COL14A1: variants seen among roughly 807,000 people sequenced by gnomAD.
COL14A1 encodes the protein collagen type XIV alpha 1 chain, also known as collagen alpha-1(XIV) chain.
In COL14A1, 136 loss-of-function variants were observed where a neutral mutation model predicts 230.3. The ratio of observed to expected loss-of-function variants is 0.59; its 90% CI spans 0.51 to 0.68. The LOEUF is 0.68. Among genes scored for constraint, COL14A1 ranks in the 30% least tolerant of loss-of-function variants. The probability of loss-of-function intolerance (pLI) is 0.00; values close to 1 mark genes in which losing one functional copy is unlikely to be tolerated. For missense variants in COL14A1, 1,976 were observed against 2,215.8 expected (o/e 0.89, Z 2.17); for synonymous variants, 792 against 784.1 (o/e 1.01, Z -0.17).
intron 20 of COL14A1, among the ~76,000 whole-genome samples, chr8:120,245,732 G>A (rs1818742835): frequency 1.3e-5 from 2 of 152,264 alleles, no homozygotes; most frequent in South Asian, 2.1e-4. Context: ...TGGCATCTTG[G>A]TGGGGGTGGC....
chr8:120,370,282 T>C (rs1823541715), intron 47 of COL14A1: 10 of 1,568,474 alleles, frequency 6.4e-6, no homozygotes, highest in Non-Finnish European at 7.9e-6. Flanking sequence ...GATGTGTTTT[T>C]CTCTGTTCAT....
intron 5 of COL14A1, among the ~76,000 whole-genome samples, chr8:120,184,556 T>C (rs1242860967): frequency 1.3e-5 from 2 of 152,070 alleles, no homozygotes; most frequent in Non-Finnish European, 2.9e-5. Flanking sequence ...GCTTGAGATA[T>C]TGATTTAATA....
chr8:120,369,302 A>G (rs371826614), intron 46 of COL14A1, 28 bp from the exon 47 acceptor site: 7 of 1,472,550 alleles, frequency 4.8e-6, no homozygotes, highest in East Asian at 5.0e-5. Flanking sequence ...CAAAAGACCA[A>G]CGGTTTTCAT....
intron 40 of COL14A1, among the ~76,000 whole-genome samples, chr8:120,327,344 T>A (rs562496308): frequency 6.6e-6 from 1 of 152,300 alleles, no homozygotes; most frequent in South Asian, 2.1e-4. Context: ...TAGACTCTTA[T>A]GTGAGTCAAC....
intron 36 of COL14A1, among the ~76,000 whole-genome samples, chr8:120,308,197 G>A (rs1357492669): frequency 6.6e-6 from 1 of 152,216 alleles, no homozygotes; most frequent in African/African-American, 2.4e-5. Context: ...GGCCAGGCTG[G>A]TCTCAAACTC....
chr8:120,209,673 G>T, intron 11 of COL14A1, 83 bp from the exon 12 acceptor site: 4 of 1,368,226 alleles, frequency 2.9e-6, no homozygotes, highest in Admixed American at 2.2e-5. Flanking sequence ...CTCAAATATG[G>T]TCAATCTTAT....
chr8:120,294,897 A>C (rs1820476890), intron 34 of COL14A1, among the ~76,000 whole-genome samples: 1 of 151,896 alleles, frequency 6.6e-6, no homozygotes. Flanking sequence ...CTTAGTAAGC[A>C]TTCAACCCCG....
At chr8:120,128,220 TGCGCGCGC>T (rs141192017) in intron 1 of COL14A1, among the ~76,000 whole-genome samples, 1 of 122,854 alleles carries the variant, frequency 8.1e-6, no homozygotes, top group African/African-American at 3.3e-5. Flanking sequence ...TGTGTGTGTG[TGCGCGCGC>T]GTGTGTGTGT....
intron 18 of COL14A1, among the ~76,000 whole-genome samples, chr8:120,229,663 T>C (rs1818207539): frequency 6.6e-6 from 1 of 152,162 alleles, no homozygotes; most frequent in Non-Finnish European, 1.5e-5. Context: ...TATTGCTAGT[T>C]CTAGATCCCT....
chr8:120,227,363 G>C lies in COL14A1; in HGVS notation c.2137+11G>C. On this transcript the variant is annotated intron_variant, in intron 17 of 47. Transcript: ENST00000297848. ...CTGTCGGGACCACACGTAAGTCTTG[G>C]TCTGGCCACAGTGCGTTTTAGCTGC... 1 of 1,613,086 alleles carries C rather than the reference G, an allele frequency of 6.2e-7. No homozygotes were observed. Among genetic ancestry groups the C allele is most frequent in the Non-Finnish European group, 8.5e-7 (1 of 1,179,916 alleles).
chr8:120,284,223 T>G (rs1158276600), intron 32 of COL14A1, among the ~76,000 whole-genome samples: 1 of 152,208 alleles, frequency 6.6e-6, no homozygotes, highest in Non-Finnish European at 1.5e-5. Context: ...GATGTACATT[T>G]GAAAGTTGTG....
chr8:120,340,717 A>G (rs1304034564), intron 42 of COL14A1, among the ~76,000 whole-genome samples: 1 of 152,226 alleles, frequency 6.6e-6, no homozygotes, highest in African/African-American at 2.4e-5. Flanking sequence ...AAGAGTAGCT[A>G]AGCCACATAA....
At position 120,373,437 on chromosome 8, in the gene COL14A1, T is replaced by C. The variant is rs1812223810; in HGVS notation, c.*2206T>C. Among the ~76,000 whole-genome samples the C allele has an allele frequency of 6.6e-6, 1 of 152,208 alleles. No individual in the cohort carries two copies. The highest frequency in any genetic ancestry group is 1.5e-5 in the Non-Finnish European group (1 of 68,024). ...AGATTCTGGATGTTCGAGTTTACAATACATTGCCTGTAATAAAAGCTGATT... is the reference window on the plus strand; with the variant it reads ...AGATTCTGGATGTTCGAGTTTACAACACATTGCCTGTAATAAAAGCTGATT... On this transcript the variant is annotated 3_prime_UTR_variant, in exon 48 of 48. Coordinates refer to ENST00000297848, the MANE Select transcript of COL14A1 (RefSeq NM_021110.4).
intron 45 of COL14A1, 36 bp from the exon 46 acceptor site, chr8:120,367,135 A>T: frequency 2.0e-6 from 3 of 1,501,674 alleles, no homozygotes; most frequent in Non-Finnish European, 2.7e-6. Context: ...TCTTTTAAAA[A>T]GAACTTTAAA....
intron 5 of COL14A1, among the ~76,000 whole-genome samples, chr8:120,189,237 C>T (rs1315289483): frequency 4.6e-5 from 7 of 152,152 alleles, no homozygotes; most frequent in Non-Finnish European, 1.0e-4. Context: ...AAACATTGTA[C>T]ATGTGTACCT....
chr8:120,262,906 A>G lies in COL14A1; in HGVS notation c.2908A>G (p.Thr970Ala). Residue 970 changes from threonine to alanine, a missense_variant, in exon 24 of 48, where the codon ACC becomes GCC. This residue lies in a region of COL14A1 where 1,791 missense variants were observed against 2,019.5 expected (regional missense o/e 0.89). Transcript: ENST00000297848. The part of the protein sequence containing the change: ...KQESTVGGGT[T>A]RHCFYGLQPD... Reference sequence around the variant, plus strand: ...AGAATCCACTGTGGGTGGAGGGACAACCAGGCATTGCTTCTATGGACTTCA... The same window carrying G: ...AGAATCCACTGTGGGTGGAGGGACAGCCAGGCATTGCTTCTATGGACTTCA... The G allele has an allele frequency of 1.2e-6, 2 of 1,613,664 alleles. No individual in the cohort carries two copies. Among genetic ancestry groups the G allele is most frequent in the South Asian group, 1.1e-5 (1 of 90,978 alleles).
At chr8:120,283,567 C>A in intron 31 of COL14A1, 69 bp from the exon 32 acceptor site, 1 of 1,485,572 alleles carries the variant, frequency 6.7e-7, no homozygotes, top group South Asian at 1.4e-5. Context: ...AATGTATTTG[C>A]TTTATAATCA....
chr8:120,269,344 T>C (rs1011982409), intron 25 of COL14A1, among the ~76,000 whole-genome samples: 1 of 151,850 alleles, frequency 6.6e-6, no homozygotes, highest in Non-Finnish European at 1.5e-5. Context: ...TGGTGTAGTT[T>C]GCTTTGTTTA....
chr8:120,369,247 G>A, intron 46 of COL14A1, 83 bp from the exon 47 acceptor site: 2 of 1,394,626 alleles, frequency 1.4e-6, no homozygotes, highest in South Asian at 1.6e-5. Context: ...CTTCTTCTAA[G>A]AGTTAGTTTA....
Sources: allele counts gnomAD v4.1 joint callset (sites outside exome capture counted in the v4.1 genomes callset), GRCh38; gene constraint gnomAD v4.1.1; regional missense constraint gnomAD v4.1.1; transcripts MANE v1.5; gene names NCBI Gene and HGNC (gene_info 2026-07-23, HGNC 2026-07-21).